NAALADL2: variants seen among roughly 807,000 people sequenced by gnomAD.
NAALADL2 encodes the protein inactive N-acetylated-alpha-linked acidic dipeptidase-like protein 2.
Under a neutral mutation model 87.2 loss-of-function variants are expected in NAALADL2, and 76 were observed. The ratio of observed to expected loss-of-function variants is 0.87; its 90% CI spans 0.72 to 1.05. The LOEUF (loss-of-function observed/expected upper bound fraction) is 1.05, where lower values mean the gene tolerates loss of function less well. Among genes scored for constraint, NAALADL2 ranks in the 50% least tolerant of loss-of-function variants. NAALADL2 has a pLI of 0.00. For missense variants in NAALADL2, 1,089 were observed against 945.8 expected, an observed-to-expected ratio of 1.15 and a Z score of -1.99; for synonymous variants, 354 against 331.0, an observed-to-expected ratio of 1.07 and a Z score of -0.75.
intron 2 of NAALADL2, among the ~76,000 whole-genome samples, chr3:174,680,663 A>G (rs1452181161): frequency 6.6e-6 from 1 of 152,132 alleles, no homozygotes; most frequent in Non-Finnish European, 1.5e-5. Flanking sequence ...CAGAAGTCCA[A>G]ACTACGACAG....
intron 11 of NAALADL2, among the ~76,000 whole-genome samples, chr3:175,682,277 A>G (rs112538867): frequency 0.037 from 5,649 of 152,150 alleles, 333 homozygotes; most frequent in African/African-American, 0.13. Context: ...AAATTTTATA[A>G]CATATGTGTT....
At chr3:174,926,987 C>T (rs140163554) in intron 1 of NAALADL2, among the ~76,000 whole-genome samples, 2,601 of 145,898 alleles carry the variant, frequency 0.018, 85 homozygotes, top group African/African-American at 0.064. Flanking sequence ...CATACATAGG[C>T]TCAAAATAAA....
intron 1 of NAALADL2, among the ~76,000 whole-genome samples, chr3:174,509,378 G>A (rs1030083564): frequency 6.7e-6 from 1 of 149,678 alleles, no homozygotes; most frequent in Non-Finnish European, 1.5e-5. Flanking sequence ...GAGAGAGAGC[G>A]AGCTCTGGTG....
chr3:175,078,433 TAAA>T (rs1006365778), intron 1 of NAALADL2, among the ~76,000 whole-genome samples: 18 of 152,216 alleles, frequency 1.2e-4, no homozygotes, highest in African/African-American at 3.4e-4. Flanking sequence ...AGATATAAAT[TAAA>T]AACCATAAAA....
At chr3:174,518,334 T>C (rs1260889714) in intron 1 of NAALADL2, among the ~76,000 whole-genome samples, 1 of 152,198 alleles carries the variant, frequency 6.6e-6, no homozygotes, top group African/African-American at 2.4e-5. Context: ...TACTTTCTGT[T>C]TAATACTTTC....
intron 5 of NAALADL2, among the ~76,000 whole-genome samples, chr3:175,340,052 C>T (rs1233837354): frequency 1.3e-5 from 2 of 152,108 alleles, no homozygotes; most frequent in Admixed American, 1.3e-4. Flanking sequence ...TTCACTGTTA[C>T]TACTAACTCT....
intron 9 of NAALADL2, among the ~76,000 whole-genome samples, chr3:175,552,849 A>G (rs968408701): frequency 6.6e-5 from 10 of 152,264 alleles, no homozygotes; most frequent in East Asian, 1.9e-4. Flanking sequence ...GCTTAATTCA[A>G]TAGAGGATAG....
intron 1 of NAALADL2, among the ~76,000 whole-genome samples, chr3:174,483,218 G>C: frequency 6.6e-6 from 1 of 151,932 alleles, no homozygotes; most frequent in East Asian, 1.9e-4. Flanking sequence ...TACCCAACAC[G>C]GGGTAACTTA....
chr3:174,644,673 G>T (rs1723599533), intron 2 of NAALADL2, among the ~76,000 whole-genome samples: 1 of 152,170 alleles, frequency 6.6e-6, no homozygotes, highest in South Asian at 2.1e-4. Flanking sequence ...CCCAAGTGGA[G>T]CCTGAGACCC....
intron 2 of NAALADL2, among the ~76,000 whole-genome samples, chr3:174,640,728 G>A (rs1284344348): frequency 6.6e-6 from 1 of 152,192 alleles, no homozygotes; most frequent in Non-Finnish European, 1.5e-5. Context: ...GCATCTGCAT[G>A]AGCTGGATTT....
At chr3:174,548,869 T>G (rs571330737) in intron 1 of NAALADL2, among the ~76,000 whole-genome samples, 1 of 152,332 alleles carries the variant, frequency 6.6e-6, no homozygotes, top group South Asian at 2.1e-4. Context: ...AAACAAGATC[T>G]CACTCTGTTG....
chr3:175,424,161 A>G (rs963783927), intron 5 of NAALADL2, among the ~76,000 whole-genome samples: 1 of 152,100 alleles, frequency 6.6e-6, no homozygotes, highest in Non-Finnish European at 1.5e-5. Flanking sequence ...TAGATTCTGG[A>G]TATTAGCCCT....
intron 2 of NAALADL2, among the ~76,000 whole-genome samples, chr3:175,227,933 T>C (rs974838636): frequency 1.1e-4 from 16 of 151,966 alleles, no homozygotes; most frequent in African/African-American, 3.1e-4. Flanking sequence ...TTAAAAGTAA[T>C]CTTAGGAAGA....
At chr3:174,455,852 G>A (rs1176094458) in intron 1 of NAALADL2, among the ~76,000 whole-genome samples, 1 of 152,084 alleles carries the variant, frequency 6.6e-6, no homozygotes, top group Non-Finnish European at 1.5e-5. Flanking sequence ...ATTCAACATA[G>A]TATTGGAAGT....
At chr3:175,225,188 A>C (rs56235794) in intron 2 of NAALADL2, among the ~76,000 whole-genome samples, 43,292 of 152,124 alleles carry the variant, frequency 0.28, 7,770 homozygotes, top group African/African-American at 0.5. Context: ...ACATCTAAAA[A>C]TTATTTTAAA....
chr3:174,568,885 G>A (rs9880239), intron 2 of NAALADL2, among the ~76,000 whole-genome samples: 58 of 150,516 alleles, frequency 3.9e-4, no homozygotes, highest in Non-Finnish European at 7.6e-4. Context: ...GAATATTTTC[G>A]AAAATATAAC....
intron 3 of NAALADL2, among the ~76,000 whole-genome samples, chr3:174,843,667 G>C (rs1296616099): frequency 6.6e-6 from 1 of 152,200 alleles, no homozygotes; most frequent in Admixed American, 6.5e-5. Flanking sequence ...CAATGTGTAA[G>C]TGTTCCCTTT....
intron 2 of NAALADL2, among the ~76,000 whole-genome samples, chr3:174,632,392 C>T (rs762146487): frequency 2.0e-5 from 3 of 151,822 alleles, no homozygotes; most frequent in Non-Finnish European, 2.9e-5. Context: ...CATTAAAGTT[C>T]GGGGAAATAG....
rs1377687883 is a variant in NAALADL2, at chr3:174,983,351, G to A, written c.44-113439G>A. ...CTGATACCTGGTCCTGGTGATTTAT[G>A]GCAGGGGAAATATTGGCTTGGCATG... On this transcript the variant is annotated intron_variant, in intron 1 of 13. Transcript: ENST00000454872. Among the ~76,000 whole-genome samples the A allele has an allele frequency of 3.9e-5, 6 of 152,276 alleles. No individual in the cohort carries two copies. In the South Asian group the frequency reaches 1.0e-3, roughly 26 times the overall value.
Sources: allele counts gnomAD v4.1 joint callset (sites outside exome capture counted in the v4.1 genomes callset), GRCh38; gene constraint gnomAD v4.1.1; transcripts MANE v1.5; gene names NCBI Gene and HGNC (gene_info 2026-07-23, HGNC 2026-07-21).